Variants in NRG1 observed in about 807,000 individuals in gnomAD.
The protein encoded by NRG1 is pro-neuregulin-1, membrane-bound isoform.
NRG1 carries 18 observed loss-of-function variants against 63.8 expected under a neutral mutation model. That is an observed-to-expected ratio of 0.28 (90% CI 0.19 to 0.42). The LOEUF is 0.42. Ranked by LOEUF, NRG1 falls within the 10% of genes least tolerant of loss-of-function variation. The probability of loss-of-function intolerance (pLI) is 1.00; values close to 1 mark genes in which losing one functional copy is unlikely to be tolerated. For synonymous variants in NRG1, 302 were observed against 301.3 expected, an observed-to-expected ratio of 1.00 and a Z score of -0.02; for missense variants, 762 against 814.7, an observed-to-expected ratio of 0.94 and a Z score of 0.79.
At chr8:32,753,595 A>AG (rs1269695437) in intron 7 of NRG1, among the ~76,000 whole-genome samples, 1 of 152,202 alleles carries the variant, frequency 6.6e-6, no homozygotes, top group Non-Finnish European at 1.5e-5. Context: ...TTGGTGGAGT[A>AG]GTTAGAATTG....
At chr8:32,640,245 TCACACACACA>T (rs111977984) in intron 5 of NRG1, among the ~76,000 whole-genome samples, 6 of 147,528 alleles carry the variant, frequency 4.1e-5, no homozygotes, top group African/African-American at 1.0e-4. Flanking sequence ...CTTCTTTTTG[TCACACACACA>T]CACACACACA....
chr8:31,885,542 T>G (rs2062054), intron 1 of NRG1, among the ~76,000 whole-genome samples: 78,038 of 151,918 alleles, frequency 0.51, 20,659 homozygotes, highest in East Asian at 0.75. Flanking sequence ...TCCACAATTC[T>G]TTATGAGAGA....
At chr8:32,477,837 A>G (rs1462863363) in intron 1 of NRG1, among the ~76,000 whole-genome samples, 1 of 152,346 alleles carries the variant, frequency 6.6e-6, no homozygotes, top group African/African-American at 2.4e-5. Context: ...AACTCCATAT[A>G]TAATTTAATG....
At chr8:31,969,800 C>T (rs1240858329) in intron 1 of NRG1, among the ~76,000 whole-genome samples, 3 of 152,116 alleles carry the variant, frequency 2.0e-5, no homozygotes, top group Admixed American at 1.3e-4. Context: ...TAGGATGTCT[C>T]TCTTATTTCT....
chr8:32,641,477 G>A (rs896960887), intron 5 of NRG1, among the ~76,000 whole-genome samples: 1 of 152,176 alleles, frequency 6.6e-6, no homozygotes, highest in Non-Finnish European at 1.5e-5. Context: ...GAAAATTAAT[G>A]ATTTTACTTA....
intron 1 of NRG1, among the ~76,000 whole-genome samples, chr8:31,840,050 C>T (rs548551473): frequency 2.6e-5 from 4 of 152,160 alleles, no homozygotes; most frequent in African/African-American, 7.2e-5. Flanking sequence ...TGAGCGTCCC[C>T]GCAAGCAGAG....
chr8:32,389,753 T>G (rs1563397239), intron 1 of NRG1, among the ~76,000 whole-genome samples: 1 of 91,182 alleles, frequency 1.1e-5, no homozygotes, highest in Non-Finnish European at 2.4e-5. Context: ...CTTTCAGTCT[T>G]TCTTTCTTTT....
chr8:31,956,652 C>A (rs1053086938), intron 1 of NRG1, among the ~76,000 whole-genome samples: 3 of 152,104 alleles, frequency 2.0e-5, no homozygotes, highest in African/African-American at 7.2e-5. Flanking sequence ...GTGAGCCAAG[C>A]GCTCTACTTG....
At chr8:32,593,028 T>G (rs1303053249) in intron 1 of NRG1, among the ~76,000 whole-genome samples, 2 of 152,158 alleles carry the variant, frequency 1.3e-5, no homozygotes, top group African/African-American at 4.8e-5. Flanking sequence ...GAAAATATAT[T>G]TATTCATCAG....
chr8:31,994,064 G>C (rs564027225), intron 1 of NRG1, among the ~76,000 whole-genome samples: 2 of 151,942 alleles, frequency 1.3e-5, no homozygotes, highest in African/African-American at 4.8e-5. Flanking sequence ...ATCTTAAAGC[G>C]AGGTACAGGG....
At chr8:32,233,854 T>C (rs1422584655) in intron 1 of NRG1, among the ~76,000 whole-genome samples, 2 of 152,028 alleles carry the variant, frequency 1.3e-5, no homozygotes, top group Non-Finnish European at 2.9e-5. Context: ...TGTGAGCCAT[T>C]GCATCCAGCC....
chr8:32,034,924 G>A (rs972256072), intron 1 of NRG1, among the ~76,000 whole-genome samples: 4 of 150,900 alleles, frequency 2.7e-5, no homozygotes, highest in African/African-American at 9.8e-5. Flanking sequence ...ATTTTTAAAG[G>A]TTTTTTGTGT....
rs568159803 is a variant in NRG1 at position 32,690,438 on chromosome 8, G to A, written c.503-37511G>A. On this transcript the variant is annotated intron_variant, in intron 5 of 11. Transcript: ENST00000356819. ...AGACCTACTGTATTGCAAATTTATC[G>A]TGGCTGGACCATCCTCCAGAGATGT... 6.6e-5 allele frequency among the ~76,000 whole-genome samples: 10 copies of A among 152,118 alleles called. No individual in the cohort carries two copies. In the South Asian group the frequency reaches 1.0e-3, roughly 16 times the overall value.
intron 1 of NRG1, among the ~76,000 whole-genome samples, chr8:31,799,602 A>G (rs2131709443): frequency 6.6e-6 from 1 of 152,178 alleles, no homozygotes; most frequent in Middle Eastern, 3.4e-3. Flanking sequence ...GAATTTATAT[A>G]TAATTTTGCA....
intron 6 of NRG1, among the ~76,000 whole-genome samples, chr8:32,739,377 A>G (rs149803653): frequency 1.6e-3 from 249 of 152,304 alleles, no homozygotes; most frequent in African/African-American, 5.7e-3. Context: ...GTCTTATAAC[A>G]CTAAGAAACA....
chr8:32,757,620 C>T (rs1049023585), intron 9 of NRG1, among the ~76,000 whole-genome samples: 6 of 152,090 alleles, frequency 3.9e-5, no homozygotes, highest in Non-Finnish European at 5.9e-5. Flanking sequence ...CATTTGATAA[C>T]GATATTCACT....
intron 1 of NRG1, among the ~76,000 whole-genome samples, chr8:32,505,468 T>C (rs564534175): frequency 6.6e-6 from 1 of 152,310 alleles, no homozygotes; most frequent in South Asian, 2.1e-4. Context: ...GTATACGTGC[T>C]CCAAAATGTG....
At chr8:32,476,703 C>G (rs1824566194) in intron 1 of NRG1, among the ~76,000 whole-genome samples, 1 of 152,164 alleles carries the variant, frequency 6.6e-6, no homozygotes, top group African/African-American at 2.4e-5. Context: ...CCCTTCATTT[C>G]CTCCATTTTT....
chr8:32,158,890 C>T (rs1838480755), intron 1 of NRG1, among the ~76,000 whole-genome samples: 1 of 151,998 alleles, frequency 6.6e-6, no homozygotes, highest in Non-Finnish European at 1.5e-5. Flanking sequence ...CACATCATCC[C>T]GATGTAAAAT....
Sources: gnomAD v4.1 joint callset for allele counts (sites outside exome capture counted in the v4.1 genomes callset) on GRCh38, gnomAD v4.1.1 for gene constraint, MANE v1.5 for transcripts, NCBI Gene and HGNC (gene_info 2026-07-23, HGNC 2026-07-21) for gene names.